Variants in NUBPL observed in about 807,000 individuals in gnomAD.
The protein encoded by NUBPL is NUBP iron-sulfur cluster assembly factor, mitochondrial.
A neutral mutation model predicts 45.7 loss-of-function variants in NUBPL; 31 were observed. The observed-to-expected ratio is 0.68, with a 90% CI of 0.51 to 0.92. The LOEUF (loss-of-function observed/expected upper bound fraction) is 0.92, where lower values mean the gene tolerates loss of function less well. Ranked by LOEUF, NUBPL falls within the 40% of genes least tolerant of loss-of-function variation. The pLI is 0.00. For missense variants in NUBPL, 401 were observed against 398.7 expected (o/e 1.01, Z -0.05); for synonymous variants, 144 against 140.9 (o/e 1.02, Z -0.15).
chr14:31,747,692 G>A (rs1011804284), intron 6 of NUBPL, among the ~76,000 whole-genome samples: 7 of 151,734 alleles, frequency 4.6e-5, no homozygotes, highest in African/African-American at 1.5e-4. Context: ...ATTTATCTGG[G>A]TCTTCTCTCA....
At chr14:31,625,477 C>A (rs1284651673) in intron 4 of NUBPL, among the ~76,000 whole-genome samples, 1 of 137,776 alleles carries the variant, frequency 7.3e-6, no homozygotes. Context: ...TCTTTTCTTT[C>A]TTTTTTTTTT....
chr14:31,672,068 T>C (rs1364518811), intron 4 of NUBPL, among the ~76,000 whole-genome samples: 1 of 152,212 alleles, frequency 6.6e-6, no homozygotes, highest in East Asian at 1.9e-4. Context: ...ACAAATTATA[T>C]TTTATTGTAA....
chr14:31,830,619 A>G (rs1164041432), intron 8 of NUBPL, among the ~76,000 whole-genome samples: 2 of 152,220 alleles, frequency 1.3e-5, no homozygotes, highest in Non-Finnish European at 1.5e-5. Context: ...TCTCAGATCT[A>G]CTTACACATA....
intron 6 of NUBPL, among the ~76,000 whole-genome samples, chr14:31,760,771 A>AT (rs34622376): frequency 1 from 151,608 of 152,290 alleles, 75,468 homozygotes; most frequent in Middle Eastern, 1. Flanking sequence ...TTGATTAAAA[A>AT]ATTACAGTTT....
At chr14:31,747,153 T>C (rs1158550573) in intron 6 of NUBPL, among the ~76,000 whole-genome samples, 1 of 139,846 alleles carries the variant, frequency 7.2e-6, no homozygotes, top group Non-Finnish European at 1.5e-5. Flanking sequence ...TTTTTTTTTC[T>C]GAGTCGGAGT....
At chr14:31,842,658 C>T (rs920183220) in intron 8 of NUBPL, among the ~76,000 whole-genome samples, 15 of 151,924 alleles carry the variant, frequency 9.9e-5, no homozygotes, top group East Asian at 1.9e-4. Flanking sequence ...TTTTGTGTGT[C>T]GTGGAAACAG....
rs1345439751 is a variant in NUBPL, at chr14:31,565,018, TCTTGCA to T, written c.270_275del (p.Leu92_Ala93del). 1 of 1,549,734 alleles carries T rather than the reference TCTTGCA, an allele frequency of 6.5e-7. No homozygotes were observed. The highest frequency in any genetic ancestry group is 1.4e-5 in the African/African-American group (1 of 73,984). On this transcript the variant is annotated inframe_deletion, in exon 3 of 11. Coordinates refer to ENST00000281081, the MANE Select transcript of NUBPL (RefSeq NM_025152.3). ...TACTTTTTTTGTTTCTTACAGTGAA[TCTTGCA>T]CTTGCACTAGCAGCGAACGATTCGG...
chr14:31,641,580 A>G (rs1429073843), intron 4 of NUBPL, among the ~76,000 whole-genome samples: 1 of 152,092 alleles, frequency 6.6e-6, no homozygotes, highest in African/African-American at 2.4e-5. Context: ...CCATATGCCT[A>G]TTGAGGAGTA....
chr14:31,763,595 T>C (rs1343848578), intron 6 of NUBPL, among the ~76,000 whole-genome samples: 1 of 152,206 alleles, frequency 6.6e-6, no homozygotes, highest in African/African-American at 2.4e-5. Flanking sequence ...ATGTTGGCAA[T>C]CTGAATATAT....
chr14:31,642,042 T>C (rs1322434368), intron 4 of NUBPL, among the ~76,000 whole-genome samples: 1 of 152,226 alleles, frequency 6.6e-6, no homozygotes, highest in Non-Finnish European at 1.5e-5. Context: ...ATTATTTTAC[T>C]ATTGAGTTGT....
At chr14:31,826,085 C>T (rs146423041) in intron 7 of NUBPL, among the ~76,000 whole-genome samples, 131 of 152,142 alleles carry the variant, frequency 8.6e-4, no homozygotes, top group African/African-American at 3.0e-3. Context: ...GAGTTATGAT[C>T]CTGAATCACT....
intron 4 of NUBPL, among the ~76,000 whole-genome samples, chr14:31,666,243 A>ATG (rs1200400496): frequency 7.7e-5 from 2 of 25,858 alleles, no homozygotes; most frequent in Middle Eastern, 0.016. Context: ...ATATATATAT[A>ATG]TATATATATA....
At chr14:31,659,064 T>G (rs1279560532) in intron 4 of NUBPL, among the ~76,000 whole-genome samples, 1 of 152,162 alleles carries the variant, frequency 6.6e-6, no homozygotes, top group African/African-American at 2.4e-5. Context: ...AGGGATTACA[T>G]AAGCTGAGAG....
chr14:31,827,179 G>C (rs1259311814), intron 8 of NUBPL, among the ~76,000 whole-genome samples: 1 of 152,030 alleles, frequency 6.6e-6, no homozygotes, highest in Non-Finnish European at 1.5e-5. Flanking sequence ...TTAAAAATAA[G>C]ATAAAAATAG....
chr14:31,782,872 T>G (rs1330883746), intron 6 of NUBPL, among the ~76,000 whole-genome samples: 3 of 152,224 alleles, frequency 2.0e-5, no homozygotes, highest in Non-Finnish European at 4.4e-5. Context: ...AAGAACCATT[T>G]TATAATTATT....
At chr14:31,581,956 G>A (rs181704585) in intron 3 of NUBPL, among the ~76,000 whole-genome samples, 65 of 152,206 alleles carry the variant, frequency 4.3e-4, no homozygotes, top group African/African-American at 1.4e-3. Flanking sequence ...TTAAAAGTTG[G>A]CATTGATTTT....
chr14:31,832,981 T>G (rs1052359414), intron 8 of NUBPL, among the ~76,000 whole-genome samples: 1 of 152,258 alleles, frequency 6.6e-6, no homozygotes, highest in Non-Finnish European at 1.5e-5. Context: ...TAATTTTTTC[T>G]TGTAATTACT....
chr14:31,668,305 G>A (rs2036487182), intron 4 of NUBPL, among the ~76,000 whole-genome samples: 2 of 152,180 alleles, frequency 1.3e-5, no homozygotes, highest in African/African-American at 4.8e-5. Flanking sequence ...CTGCTTTGCT[G>A]CACTGTGGTG....
chr14:31,699,203 C>T lies in NUBPL; in HGVS notation c.513+25629C>T, dbSNP rs554516157. Among the ~76,000 whole-genome samples the T allele has an allele frequency of 4.6e-5, 7 of 152,090 alleles. No individual in the cohort carries two copies. The South Asian group carries it at 1.5e-3, about 32-fold the overall frequency. ...AAAATATTTTTTGTTTAGGGTAGGC[C>T]TATATGTCTGTAGCAACAAATATAT... On this transcript the variant is annotated intron_variant, in intron 6 of 10. Transcript: ENST00000281081.
Sources: gnomAD v4.1 joint callset for allele counts (sites outside exome capture counted in the v4.1 genomes callset) on GRCh38, gnomAD v4.1.1 for gene constraint, MANE v1.5 for transcripts, NCBI Gene and HGNC (gene_info 2026-07-23, HGNC 2026-07-21) for gene names.